RIOX1: variants seen among roughly 807,000 people sequenced by gnomAD.
RIOX1 encodes the protein ribosomal oxygenase 1, also known as 60S ribosomal protein L8 histidine hydroxylase.
RIOX1 carries 33 observed loss-of-function variants against 44.6 expected under a neutral mutation model. That is an observed-to-expected ratio of 0.74 (90% confidence interval 0.56 to 0.99). RIOX1 has a LOEUF of 0.99. Ranked by LOEUF, RIOX1 falls within the 50% of genes least tolerant of loss-of-function variation. RIOX1 has a pLI of 0.00. For missense variants in RIOX1, 821 were observed against 871.7 expected (o/e 0.94, Z 0.73); for synonymous variants, 387 against 395.8 (o/e 0.98, Z 0.26).
rs1436676408 is a variant in RIOX1, at chr14:73,491,681, C to T, written c.664C>T (p.Leu222=). ...PMPPDHFYRR[L]WEREAVLVRR... ...GCCGCCAGATCACTTTTACCGGCGC[C>T]TATGGGAGCGCGAGGCGGTGCTGGT... is the stretch of plus-strand genomic sequence containing the variant. Residue 222 remains leucine, a synonymous_variant, in exon 1 of 1, where the codon CTA becomes TTA. Coordinates refer to ENST00000304061, the MANE Select transcript of RIOX1 (RefSeq NM_024644.5). 1.3e-6 allele frequency: 2 copies of T among 1,549,884 alleles called. No individual in the cohort carries two copies. Among genetic ancestry groups the T allele is most frequent in the South Asian group, 2.4e-5 (2 of 84,064 alleles).
Position 73,491,457 on chromosome 14 carries a change from C to T in RIOX1, c.440C>T (p.Ala147Val). The change falls in exon 1 of 1, where the codon GCC becomes GTC. Residue 147 changes from alanine to valine, a missense_variant. Physicochemically the swap from Ala to Val is moderately conservative, Grantham distance 64. This residue lies in a region of RIOX1 where 554 missense variants were observed against 531.2 expected (regional missense o/e 1.04). Coordinates refer to ENST00000304061, the MANE Select transcript of RIOX1 (RefSeq NM_024644.5). ...AAPVRVVETSALLCTAQHLAA... is the reference protein window; with the variant it reads ...AAPVRVVETSVLLCTAQHLAA... ...CCGGTCCGGGTGGTGGAGACCTCGG[C>T]CCTGCTGTGCACCGCGCAACACTTA... 7.0e-7 allele frequency: 1 copy of T among 1,425,344 alleles called. No homozygotes were observed. Among genetic ancestry groups the T allele is most frequent in the South Asian group, 1.5e-5 (1 of 66,520 alleles). The allele number at this position is 1,425,344 out of a possible 1,614,324, so 88.3% of individuals were successfully genotyped here.
In RIOX1 at chr14:73,493,289, C is replaced by G. The variant is rs1324421327; in HGVS notation, c.*346C>G. 1.5e-5 allele frequency: 9 copies of G among 596,792 alleles called. No individual in the cohort carries two copies. In the East Asian group the frequency reaches 2.3e-4, roughly 15 times the overall value. The allele number at this position is 596,792 out of a possible 1,614,324, so 37.0% of individuals were successfully genotyped here. A position where few individuals can be genotyped will look rare whatever the true frequency, so the allele number is the denominator to read the frequency against. Reference sequence around the variant, plus strand: ...ATTAGATTTTTTTTGGAATTTGGATCTTTCATCTGAGTTCTTTTTCATGGG... The same window carrying G: ...ATTAGATTTTTTTTGGAATTTGGATGTTTCATCTGAGTTCTTTTTCATGGG... On this transcript the variant is annotated 3_prime_UTR_variant, in exon 1 of 1. Transcript: ENST00000304061.
In RIOX1 at chr14:73,493,354, G is replaced by A; in HGVS notation, c.*411G>A. Reference sequence around the variant, plus strand: ...TATCCTGTTTGTTATTGTTAAATTTGTATGAACCTTAGAAAAGTTATTAAA... The same window carrying A: ...TATCCTGTTTGTTATTGTTAAATTTATATGAACCTTAGAAAAGTTATTAAA... On this transcript the variant is annotated 3_prime_UTR_variant, in exon 1 of 1. Coordinates refer to ENST00000304061, the MANE Select transcript of RIOX1 (RefSeq NM_024644.5). 6.2e-6 allele frequency: 3 copies of A among 483,500 alleles called. No individual in the cohort carries two copies. In the East Asian group the frequency reaches 1.0e-4, roughly 17 times the overall value. The allele number at this position is 483,500 out of a possible 1,614,324, so 30.0% of individuals were successfully genotyped here.
At position 73,491,255 on chromosome 14, in the gene RIOX1, C is replaced by A; in HGVS notation, c.238C>A (p.Pro80Thr). Reference sequence around the variant, plus strand: ...GGCCGACGACCTGGGGGACGCGCTACCCGGTGGGGCGGCGGTGGCGGCCGT... The same window carrying A: ...GGCCGACGACCTGGGGGACGCGCTAACCGGTGGGGCGGCGGTGGCGGCCGT... ...STADDLGDAL[P>T]GGAAVAAVPD... The change falls in exon 1 of 1, where the codon CCC becomes ACC. Residue 80 changes from proline to threonine, a missense_variant. Coordinates refer to ENST00000304061, the MANE Select transcript of RIOX1 (RefSeq NM_024644.5). The A allele has an allele frequency of 6.3e-7, 1 of 1,579,682 alleles. No homozygotes were observed. The highest frequency in any genetic ancestry group is 8.6e-7 in the Non-Finnish European group (1 of 1,161,856).
chr14:73,491,198 G>A lies in RIOX1; in HGVS notation c.181G>A (p.Glu61Lys). 6.3e-7 allele frequency: 1 copy of A among 1,596,508 alleles called. No individual in the cohort carries two copies. Among genetic ancestry groups the A allele is most frequent in the Non-Finnish European group, 8.5e-7 (1 of 1,170,972 alleles). The change falls in exon 1 of 1, where the codon GAG becomes AAG. Residue 61 changes from glutamate to lysine, a missense_variant. This residue lies in a region of RIOX1 where 554 missense variants were observed against 531.2 expected (regional missense o/e 1.04). Transcript: ENST00000304061. ...GCTGAGGACGCAGACGCTGCCTAGC[G>A]AGAACTCGGAGGAATCGAGGGTGGA... ...AALRTQTLPS[E>K]NSEESRVEST...
chr14:73,492,868 G>A lies in RIOX1; in HGVS notation c.1851G>A (p.Glu617=), dbSNP rs1885870430. 1 of 1,613,934 alleles carries A rather than the reference G, an allele frequency of 6.2e-7. No homozygotes were observed. The highest frequency in any genetic ancestry group is 8.5e-7 in the Non-Finnish European group (1 of 1,179,866). ...RVGDLPCDSV[E]DQLSLATTLY... is the part of the protein sequence containing the mutation. The stretch of plus-strand genomic sequence containing the variant: ...GGGACCTGCCCTGTGACAGTGTGGA[G>A]GACCAGCTGTCCTTGGCAACCACGT... The change falls in exon 1 of 1, where the codon GAG becomes GAA. Residue 617 remains glutamate, a synonymous_variant. Transcript: ENST00000304061. The surrounding 1 kb of genome is among the most constrained non-coding windows in gnomAD (Gnocchi z 4.9).
rs1885696841 is a variant in RIOX1, at chr14:73,491,157, T to G, written c.140T>G (p.Val47Gly). Reference sequence around the variant, plus strand: ...ATACGAAAGCAGCTGCGAAGTGTTGTATCCCGCATGGCAGCGCTGAGGACG... The same window carrying G: ...ATACGAAAGCAGCTGCGAAGTGTTGGATCCCGCATGGCAGCGCTGAGGACG... ...RKIRKQLRSV[V>G]SRMAALRTQT... is the part of the protein sequence containing the mutation. The change falls in exon 1 of 1, where the codon GTA becomes GGA. Residue 47 changes from valine to glycine, a missense_variant. Transcript: ENST00000304061. 1 of 1,605,954 alleles carries G rather than the reference T, an allele frequency of 6.2e-7. No individual in the cohort carries two copies. Among genetic ancestry groups the G allele is most frequent in the South Asian group, 1.1e-5 (1 of 89,292 alleles).
In RIOX1 at chr14:73,491,360, C is replaced by G; in HGVS notation, c.343C>G (p.Leu115Val). Residue 115 changes from leucine to valine, a missense_variant, in exon 1 of 1, where the codon CTG becomes GTG. By Grantham distance (32) the Leu-to-Val change is conservative (BLOSUM62 1). This residue lies in a region of RIOX1 where 554 missense variants were observed against 531.2 expected (regional missense o/e 1.04). Coordinates refer to ENST00000304061, the MANE Select transcript of RIOX1 (RefSeq NM_024644.5). ...LLEASPAARS[L>V]QTPSARLVPA... ...GGAGGCCTCGCCCGCCGCGCGCTCC[C>G]TGCAGACCCCGTCGGCGCGCCTGGT... 3 of 1,381,574 alleles carry G rather than the reference C, an allele frequency of 2.2e-6. No homozygotes were observed. Among genetic ancestry groups the G allele is most frequent in the Non-Finnish European group, 2.8e-6 (3 of 1,072,170 alleles). The allele number at this position is 1,381,574 out of a possible 1,614,324, so 85.6% of individuals were successfully genotyped here. A position where few individuals can be genotyped will look rare whatever the true frequency, so the allele number is the denominator to read the frequency against.
Position 73,493,239 on chromosome 14 carries a change from CCA to C in RIOX1, c.*297_*298del. The stretch of plus-strand genomic sequence containing the variant: ...GCTTCAGTGTACTGGGTAACACTGA[CCA>C]TGTCGTTCTGCTTGAGACAGATATT... On this transcript the variant is annotated 3_prime_UTR_variant, in exon 1 of 1. Coordinates refer to ENST00000304061, the MANE Select transcript of RIOX1 (RefSeq NM_024644.5). The C allele has an allele frequency of 1.3e-6, 1 of 799,268 alleles. No homozygotes were observed. Among genetic ancestry groups the C allele is most frequent in the South Asian group, 1.6e-5 (1 of 62,240 alleles). The allele number at this position is 799,268 out of a possible 1,614,324, so 49.5% of individuals were successfully genotyped here.
At position 73,490,976 on chromosome 14, in the gene RIOX1, G is replaced by T; in HGVS notation, c.-42G>T. 7.6e-7 allele frequency: 1 copy of T among 1,316,576 alleles called. No individual in the cohort carries two copies. The highest frequency in any genetic ancestry group is 9.7e-7 in the Non-Finnish European group (1 of 1,026,916). 81.6% of individuals were successfully genotyped at this position (1,316,576 alleles called of 1,614,324 possible). On this transcript the variant is annotated 5_prime_UTR_variant, in exon 1 of 1. Coordinates refer to ENST00000304061, the MANE Select transcript of RIOX1 (RefSeq NM_024644.5). ...TGCATTCAGGAACCGCTTTAGCTTC[G>T]CCCCCGGCCGGCCGGGCGGGGAAGA...
Position 73,492,462 on chromosome 14 carries a change from G to GGGTCTT in RIOX1, c.1449_1454dup (p.Leu484_Val485dup). On this transcript the variant is annotated inframe_insertion, in exon 1 of 1. Coordinates refer to ENST00000304061, the MANE Select transcript of RIOX1 (RefSeq NM_024644.5). The surrounding 1 kb of genome is among the most constrained non-coding windows in gnomAD (Gnocchi z 4.9). ...AGAACCGCTTTCATGGAGAAGGTGC[G>GGGTCTT]GGTCTTGGTTGCCCGCCTGGGACAC... The GGGTCTT allele has an allele frequency of 6.2e-7, 1 of 1,613,746 alleles. No homozygotes were observed. Among genetic ancestry groups the GGGTCTT allele is most frequent in the Non-Finnish European group, 8.5e-7 (1 of 1,179,808 alleles).
chr14:73,491,980 C>T lies in RIOX1; in HGVS notation c.963C>T (p.Ser321=), dbSNP rs1184057337. The T allele has an allele frequency of 1.2e-5, 19 of 1,613,880 alleles. No homozygotes were observed. The highest frequency in any genetic ancestry group is 1.5e-5 in the Non-Finnish European group (18 of 1,179,904). Residue 321 remains serine, a synonymous_variant, in exon 1 of 1, where the codon AGC becomes AGT. Coordinates refer to ENST00000304061, the MANE Select transcript of RIOX1 (RefSeq NM_024644.5). ...CTGTGCTTCAAGAGCAGTTTGGAAGCATGGCAGGCTCCAACGTTTACCTCA... is the reference window on the plus strand; with the variant it reads ...CTGTGCTTCAAGAGCAGTTTGGAAGTATGGCAGGCTCCAACGTTTACCTCA... ...FLAVLQEQFG[S]MAGSNVYLTP...
chr14:73,493,249 C>A lies in RIOX1; in HGVS notation c.*306C>A. The A allele has an allele frequency of 1.4e-6, 1 of 730,634 alleles. No individual in the cohort carries two copies. Among genetic ancestry groups the A allele is most frequent in the South Asian group, 1.8e-5 (1 of 54,396 alleles). 45.3% of individuals were successfully genotyped at this position (730,634 alleles called of 1,614,324 possible). ...ACTGGGTAACACTGACCATGTCGTT[C>A]TGCTTGAGACAGATATTAGATTTTT... is the stretch of plus-strand genomic sequence containing the variant. On this transcript the variant is annotated 3_prime_UTR_variant, in exon 1 of 1. Coordinates refer to ENST00000304061, the MANE Select transcript of RIOX1 (RefSeq NM_024644.5).
Position 73,491,454 on chromosome 14 carries a change from C to T in RIOX1, c.437C>T (p.Ser146Leu), listed in dbSNP as rs1885733170. Reference protein sequence around the residue: ...PAAPVRVVETSALLCTAQHLA... With the variant: ...PAAPVRVVETLALLCTAQHLA... Reference sequence around the variant, plus strand: ...GCGCCGGTCCGGGTGGTGGAGACCTCGGCCCTGCTGTGCACCGCGCAACAC... The same window carrying T: ...GCGCCGGTCCGGGTGGTGGAGACCTTGGCCCTGCTGTGCACCGCGCAACAC... Residue 146 changes from serine to leucine, a missense_variant, in exon 1 of 1, where the codon TCG becomes TTG. Physicochemically the swap from Ser to Leu is moderately radical, Grantham distance 145 (BLOSUM62 -2). This residue lies in a region of RIOX1 where 554 missense variants were observed against 531.2 expected (regional missense o/e 1.04). Coordinates refer to ENST00000304061, the MANE Select transcript of RIOX1 (RefSeq NM_024644.5). 5 of 1,406,670 alleles carry T rather than the reference C, an allele frequency of 3.6e-6. No individual in the cohort carries two copies. Among genetic ancestry groups the T allele is most frequent in the Non-Finnish European group, 4.6e-6 (5 of 1,091,324 alleles). 87.1% of individuals were successfully genotyped at this position (1,406,670 alleles called of 1,614,324 possible).
At position 73,491,229 on chromosome 14, in the gene RIOX1, C is replaced by A. The variant is rs1195801980; in HGVS notation, c.212C>A (p.Thr71Lys). 1 of 1,590,108 alleles carries A rather than the reference C, an allele frequency of 6.3e-7. No homozygotes were observed. The highest frequency in any genetic ancestry group is 2.3e-5 in the East Asian group (1 of 43,692). ...TCGGAGGAATCGAGGGTGGAGTCGACGGCCGACGACCTGGGGGACGCGCTA... is the reference window on the plus strand; with the variant it reads ...TCGGAGGAATCGAGGGTGGAGTCGAAGGCCGACGACCTGGGGGACGCGCTA... ...ENSEESRVES[T>K]ADDLGDALPG... is the part of the protein sequence containing the mutation. Residue 71 changes from threonine (T) to lysine (K), a missense_variant, in exon 1 of 1, where the codon ACG (threonine) becomes AAG (lysine). By Grantham distance (78) the Thr-to-Lys change is moderately conservative. This residue lies in a region of RIOX1 where 554 missense variants were observed against 531.2 expected (regional missense o/e 1.04). Coordinates refer to ENST00000304061, the MANE Select transcript of RIOX1 (RefSeq NM_024644.5).
At position 73,493,287 on chromosome 14, in the gene RIOX1, A is replaced by C. The variant is rs1028964854; in HGVS notation, c.*344A>C. On this transcript the variant is annotated 3_prime_UTR_variant, in exon 1 of 1. Coordinates refer to ENST00000304061, the MANE Select transcript of RIOX1 (RefSeq NM_024644.5). ...ATATTAGATTTTTTTTGGAATTTGG[A>C]TCTTTCATCTGAGTTCTTTTTCATG... 24 of 598,180 alleles carry C rather than the reference A, an allele frequency of 4.0e-5. No individual in the cohort carries two copies. The highest frequency in any genetic ancestry group is 6.9e-5 in the Non-Finnish European group (23 of 334,898). 37.1% of individuals were successfully genotyped at this position (598,180 alleles called of 1,614,324 possible).
Position 73,491,952 on chromosome 14 carries a change from T to G in RIOX1, c.935T>G (p.Leu312Trp). 3 of 1,613,920 alleles carry G rather than the reference T, an allele frequency of 1.9e-6. No homozygotes were observed. Among genetic ancestry groups the G allele is most frequent in the Non-Finnish European group, 1.7e-6 (2 of 1,179,854 alleles). Reference sequence around the variant, plus strand: ...TTCTCTACTACTGTGTGGCAGTTTTTGGCTGTGCTTCAAGAGCAGTTTGGA... The same window carrying G: ...TTCTCTACTACTGTGTGGCAGTTTTGGGCTGTGCTTCAAGAGCAGTTTGGA... ...QAFSTTVWQF[L>W]AVLQEQFGSM... is the part of the protein sequence containing the mutation. The change falls in exon 1 of 1, where the codon TTG becomes TGG. Residue 312 changes from leucine (L) to tryptophan (W), a missense_variant. Physicochemically the swap from Leu to Trp is moderately conservative, Grantham distance 61. Transcript: ENST00000304061.
In RIOX1 at chr14:73,492,100, A is replaced by G; in HGVS notation, c.1083A>G (p.Arg361=). 1 of 1,613,344 alleles carries G rather than the reference A, an allele frequency of 6.2e-7. No homozygotes were observed. Among genetic ancestry groups the G allele is most frequent in the Non-Finnish European group, 8.5e-7 (1 of 1,179,758 alleles). Residue 361 remains arginine (R), a synonymous_variant, in exon 1 of 1, where the codon CGA becomes CGG. Transcript: ENST00000304061. The surrounding 1 kb of genome is among the most constrained non-coding windows in gnomAD (Gnocchi z 4.9). ...LEGRKLWRVY[R]PRVPTEELAL... is the part of the protein sequence containing the mutation. ...GTAGGAAACTCTGGCGTGTATACCGACCCCGAGTCCCAACCGAGGAACTGG... is the reference window on the plus strand; with the variant it reads ...GTAGGAAACTCTGGCGTGTATACCGGCCCCGAGTCCCAACCGAGGAACTGG...
Position 73,492,113 on chromosome 14 carries a change from A to G in RIOX1, c.1096A>G (p.Thr366Ala), listed in dbSNP as rs779820725. Residue 366 changes from threonine (T) to alanine (A), a missense_variant, in exon 1 of 1, where the codon ACC (threonine) becomes GCC (alanine). Physicochemically the swap from Thr to Ala is moderately conservative, Grantham distance 58. Coordinates refer to ENST00000304061, the MANE Select transcript of RIOX1 (RefSeq NM_024644.5). The surrounding 1 kb of genome is among the most constrained non-coding windows in gnomAD (Gnocchi z 4.9). ...LWRVYRPRVP[T>A]EELALTSSPN... ...GCGTGTATACCGACCCCGAGTCCCAACCGAGGAACTGGCTCTGACATCCAG... is the reference window on the plus strand; with the variant it reads ...GCGTGTATACCGACCCCGAGTCCCAGCCGAGGAACTGGCTCTGACATCCAG... 6 of 1,613,876 alleles carry G rather than the reference A, an allele frequency of 3.7e-6. No individual in the cohort carries two copies. Among genetic ancestry groups the G allele is most frequent in the Non-Finnish European group, 4.2e-6 (5 of 1,179,830 alleles).
Sources: gnomAD v4.1 joint callset for allele counts on GRCh38, gnomAD v4.1.1 for gene constraint, gnomAD v4.1.1 regional missense constraint, Gnocchi (gnomAD v3.1) non-coding constraint, MANE v1.5 for transcripts, NCBI Gene and HGNC (gene_info 2026-07-23, HGNC 2026-07-21) for gene names.